The following NSMCE2 variants were observed in gnomAD, a reference collection of about 807,000 sequenced individuals.
The protein encoded by NSMCE2 is E3 SUMO-protein ligase NSE2.
In NSMCE2, 24 loss-of-function variants were observed where a neutral mutation model predicts 23.8. The observed-to-expected ratio is 1.01, with a 90% CI of 0.73 to 1.42. The LOEUF (loss-of-function observed/expected upper bound fraction) is 1.42. Ranked by LOEUF, NSMCE2 falls within the 40% of genes most tolerant of loss-of-function variation. The pLI, the probability that NSMCE2 is intolerant of heterozygous loss-of-function variation, is 0.00. For missense variants in NSMCE2, 284 were observed against 296.5 expected (o/e 0.96, Z 0.31); for synonymous variants, 92 against 94.1 (o/e 0.98, Z 0.13).
At chr8:125,146,291 A>G (rs1820671424) in intron 3 of NSMCE2, among the ~76,000 whole-genome samples, 1 of 152,198 alleles carries the variant, frequency 6.6e-6, no homozygotes. Context: ...CAGACTTGGC[A>G]GTTAGAAAGC....
intron 5 of NSMCE2, among the ~76,000 whole-genome samples, chr8:125,199,934 C>G (rs1477118717): frequency 6.6e-6 from 1 of 152,110 alleles, no homozygotes; most frequent in Non-Finnish European, 1.5e-5. Context: ...TATGTAATGG[C>G]CTTCTTTGTC....
chr8:125,346,325 G>A (rs572459755), intron 5 of NSMCE2, among the ~76,000 whole-genome samples: 1 of 152,254 alleles, frequency 6.6e-6, no homozygotes, highest in South Asian at 2.1e-4. Context: ...AAGAGGAGGA[G>A]ACAGACTCAA....
At chr8:125,227,603 G>A (rs1054099639) in intron 5 of NSMCE2, among the ~76,000 whole-genome samples, 21 of 152,074 alleles carry the variant, frequency 1.4e-4, no homozygotes, top group African/African-American at 3.9e-4. Context: ...TAAAAATCAG[G>A]AAGCCTTGTA....
At chr8:125,211,997 C>A in intron 5 of NSMCE2, among the ~76,000 whole-genome samples, 1 of 152,190 alleles carries the variant, frequency 6.6e-6, no homozygotes. Context: ...ACTTACATGT[C>A]ATAGTGCTCT....
At chr8:125,234,708 G>A (rs1227131383) in intron 5 of NSMCE2, among the ~76,000 whole-genome samples, 3 of 152,104 alleles carry the variant, frequency 2.0e-5, no homozygotes, top group Non-Finnish European at 4.4e-5. Flanking sequence ...TAATGTTGAT[G>A]ATGTTCCACA....
chr8:125,366,250 T>C (rs781444331), intron 7 of NSMCE2, among the ~76,000 whole-genome samples: 1 of 152,134 alleles, frequency 6.6e-6, no homozygotes, highest in African/African-American at 2.4e-5. Flanking sequence ...ATTAGAAAGA[T>C]AGCTCATAGG....
chr8:125,250,272 C>T (rs1319192359), intron 5 of NSMCE2, among the ~76,000 whole-genome samples: 1 of 151,912 alleles, frequency 6.6e-6, no homozygotes, highest in Middle Eastern at 3.2e-3. Context: ...CCCAGCAACA[C>T]TATTTTATAT....
At chr8:125,332,727 G>T (rs1009253483) in intron 5 of NSMCE2, among the ~76,000 whole-genome samples, 4 of 152,154 alleles carry the variant, frequency 2.6e-5, no homozygotes, top group African/African-American at 9.7e-5. Flanking sequence ...ATCCCCTTCA[G>T]GGTTCCATTT....
intron 4 of NSMCE2, among the ~76,000 whole-genome samples, chr8:125,162,170 A>C (rs960383403): frequency 6.6e-6 from 1 of 152,214 alleles, no homozygotes; most frequent in Non-Finnish European, 1.5e-5. Flanking sequence ...CATGAAGTAT[A>C]GTTAGGCCAT....
chr8:125,150,442 T>G (rs1191863488), intron 3 of NSMCE2, among the ~76,000 whole-genome samples: 6 of 138,106 alleles, frequency 4.3e-5, no homozygotes, highest in Admixed American at 1.4e-4. Flanking sequence ...TTTTTTTTTT[T>G]TTTTTTTTTG....
intron 3 of NSMCE2, among the ~76,000 whole-genome samples, chr8:125,110,762 GT>G (rs1017002301): frequency 0.011 from 456 of 41,846 alleles, 5 homozygotes; most frequent in African/African-American, 0.02. Context: ...GGTTGTTGTT[GT>G]TTTTTTTTTT....
chr8:125,143,511 C>T lies in NSMCE2; in HGVS notation c.158-7660C>T, dbSNP rs181814749. Among the ~76,000 whole-genome samples, 7 of 152,218 alleles carry T rather than the reference C, an allele frequency of 4.6e-5. No homozygotes were observed. In the East Asian group the frequency reaches 7.7e-4, roughly 17 times the overall value. On this transcript the variant is annotated intron_variant, in intron 3 of 7. Coordinates refer to ENST00000287437, the MANE Select transcript of NSMCE2 (RefSeq NM_173685.4). ...ATCAGAGTCTTCTGAGTATATGAGT[C>T]ATGTTGAATTGGAGTCAGCAACCCC...
intron 5 of NSMCE2, among the ~76,000 whole-genome samples, chr8:125,214,588 C>T (rs1488792101): frequency 6.6e-6 from 1 of 152,000 alleles, no homozygotes; most frequent in Non-Finnish European, 1.5e-5. Flanking sequence ...TTTTTTAGAC[C>T]GTTTTTAGGT....
chr8:125,156,595 ATATGC>A (rs1821326115), intron 4 of NSMCE2, among the ~76,000 whole-genome samples: 1 of 152,104 alleles, frequency 6.6e-6, no homozygotes, highest in Non-Finnish European at 1.5e-5. Context: ...TCGTTCATGG[ATATGC>A]CCTATGTAGT....
At chr8:125,103,064 G>A (rs1818275626) in intron 3 of NSMCE2, among the ~76,000 whole-genome samples, 1 of 152,134 alleles carries the variant, frequency 6.6e-6, no homozygotes, top group Admixed American at 6.5e-5. Flanking sequence ...TCAGGAGTTT[G>A]AGACCAGCCT....
chr8:125,290,108 A>G (rs1828050735), intron 5 of NSMCE2, among the ~76,000 whole-genome samples: 1 of 152,200 alleles, frequency 6.6e-6, no homozygotes, highest in Non-Finnish European at 1.5e-5. Context: ...GAGAAGCATT[A>G]TTAGAATTCC....
intron 3 of NSMCE2, among the ~76,000 whole-genome samples, chr8:125,134,940 C>T (rs1819987678): frequency 6.6e-6 from 1 of 152,078 alleles, no homozygotes; most frequent in Non-Finnish European, 1.5e-5. Flanking sequence ...TGGAATCTCA[C>T]TCTGTCACTC....
chr8:125,119,185 C>G (rs777692379), intron 3 of NSMCE2, among the ~76,000 whole-genome samples: 1 of 152,180 alleles, frequency 6.6e-6, no homozygotes, highest in South Asian at 2.1e-4. Flanking sequence ...GAATCTCACT[C>G]CATAAATTTC....
rs1819111428 is a variant in NSMCE2, at chr8:125,118,205, G to T, written c.157+15718G>T. On this transcript the variant is annotated intron_variant, in intron 3 of 7. Coordinates refer to ENST00000287437, the MANE Select transcript of NSMCE2 (RefSeq NM_173685.4). ...TACTAAAAATACAAAAATTAGCTGGGCATGGTGGCACACGCCTCTAGTCCC... is the reference window on the plus strand; with the variant it reads ...TACTAAAAATACAAAAATTAGCTGGTCATGGTGGCACACGCCTCTAGTCCC... Among the ~76,000 whole-genome samples, 4 of 152,062 alleles carry T rather than the reference G, an allele frequency of 2.6e-5. No individual in the cohort carries two copies. In the South Asian group the frequency reaches 8.3e-4, roughly 31 times the overall value.
Sources: allele counts gnomAD v4.1 joint callset (sites outside exome capture counted in the v4.1 genomes callset), GRCh38; gene constraint gnomAD v4.1.1; transcripts MANE v1.5; gene names NCBI Gene and HGNC (gene_info 2026-07-23, HGNC 2026-07-21).